SCAPER: variants seen among roughly 807,000 people sequenced by gnomAD.
The protein encoded by SCAPER is S-phase cyclin A associated protein in the ER.
Under a neutral mutation model 182.2 loss-of-function variants are expected in SCAPER, and 98 were observed. The observed-to-expected ratio is 0.54, with a 90% CI of 0.46 to 0.64. The LOEUF (loss-of-function observed/expected upper bound fraction) is 0.64. SCAPER is among the 30% of genes least tolerant of loss of function. The probability of loss-of-function intolerance (pLI) is 0.00; values close to 1 mark genes in which losing one functional copy is unlikely to be tolerated. For synonymous variants in SCAPER, 605 were observed against 564.6 expected, an observed-to-expected ratio of 1.07 and a Z score of -1.01; for missense variants, 1,432 against 1,690.0, an observed-to-expected ratio of 0.85 and a Z score of 2.68.
At chr15:76,526,647 T>C (rs2043218806) in intron 23 of SCAPER, among the ~76,000 whole-genome samples, 2 of 152,146 alleles carry the variant, frequency 1.3e-5, no homozygotes, top group Admixed American at 6.5e-5. Context: ...ATTAATACTA[T>C]GACCCAAGCT....
chr15:76,605,984 T>C (rs190902812), intron 22 of SCAPER, among the ~76,000 whole-genome samples: 87 of 152,336 alleles, frequency 5.7e-4, no homozygotes, highest in African/African-American at 2.0e-3. Context: ...CCTGGATTCA[T>C]TGATTTTTTG....
intron 17 of SCAPER, among the ~76,000 whole-genome samples, chr15:76,712,734 CTGTT>C (rs1422787182): frequency 3.7e-4 from 56 of 151,946 alleles, no homozygotes; most frequent in African/African-American, 1.3e-3. Context: ...ATTTTGCTCT[CTGTT>C]TGTCTGTTAT....
chr15:76,473,895 T>G (rs1382917821), intron 24 of SCAPER, among the ~76,000 whole-genome samples: 1 of 152,088 alleles, frequency 6.6e-6, no homozygotes, highest in African/African-American at 2.4e-5. Context: ...CTCTGACTCC[T>G]GGGTTCAAGC....
chr15:76,385,431 G>T (rs891701816), intron 27 of SCAPER, among the ~76,000 whole-genome samples: 5 of 152,150 alleles, frequency 3.3e-5, no homozygotes, highest in African/African-American at 1.2e-4. Flanking sequence ...GCTTCTTGGA[G>T]TTTGGCTTCA....
chr15:76,630,009 A>T (rs916697483), intron 21 of SCAPER, among the ~76,000 whole-genome samples: 4 of 152,108 alleles, frequency 2.6e-5, no homozygotes, highest in African/African-American at 9.7e-5. Flanking sequence ...TATGTCCAGG[A>T]ATTTATCCAT....
chr15:76,522,403 T>A (rs959314168), intron 23 of SCAPER, among the ~76,000 whole-genome samples: 6 of 152,136 alleles, frequency 3.9e-5, no homozygotes, highest in African/African-American at 1.4e-4. Context: ...AATAAAGCAA[T>A]GGTTCATCTT....
intron 14 of SCAPER, among the ~76,000 whole-genome samples, chr15:76,754,240 G>A (rs984316387): frequency 8.6e-5 from 13 of 151,892 alleles, no homozygotes; most frequent in Non-Finnish European, 1.8e-4. Flanking sequence ...TTATTTGAAG[G>A]TTCATAAAAC....
intron 15 of SCAPER, among the ~76,000 whole-genome samples, chr15:76,746,963 C>T (rs1262220879): frequency 1.3e-5 from 2 of 152,174 alleles, no homozygotes; most frequent in Admixed American, 1.3e-4. Context: ...TATGTAATCC[C>T]TAACAAAACG....
rs897981351 is a variant in SCAPER at position 76,348,391 on chromosome 15, A to C, written c.*242T>G. 1.4e-5 allele frequency: 4 copies of C among 295,770 alleles called. No individual in the cohort carries two copies. Among genetic ancestry groups the C allele is most frequent in the African/African-American group, 8.7e-5 (4 of 46,144 alleles). 18.3% of individuals were successfully genotyped at this position (295,770 alleles called of 1,614,324 possible). A position where few individuals can be genotyped will look rare whatever the true frequency, so the allele number is the denominator to read the frequency against. On this transcript the variant is annotated 3_prime_UTR_variant, in exon 32 of 32. Coordinates refer to ENST00000563290, the MANE Select transcript of SCAPER (RefSeq NM_020843.4). ...CAAATGCAAAGTATATATTATCATA[A>C]GATGGAAATTACCAAACTCCAAGAT...
intron 5 of SCAPER, among the ~76,000 whole-genome samples, chr15:76,819,264 A>G (rs1006819668): frequency 6.6e-6 from 1 of 152,180 alleles, no homozygotes; most frequent in African/African-American, 2.4e-5. Flanking sequence ...GCAGCTTGAG[A>G]TCTGAGAACA....
intron 22 of SCAPER, among the ~76,000 whole-genome samples, chr15:76,591,070 G>A (rs2049066992): frequency 6.6e-6 from 1 of 152,086 alleles, no homozygotes; most frequent in Non-Finnish European, 1.5e-5. Flanking sequence ...ATGACTTAAT[G>A]GGTATAATGT....
intron 24 of SCAPER, among the ~76,000 whole-genome samples, chr15:76,474,274 T>C (rs2050442649): frequency 6.6e-6 from 1 of 152,216 alleles, no homozygotes; most frequent in African/African-American, 2.4e-5. Context: ...TAACTTCCTA[T>C]GATGTTCCAG....
At chr15:76,847,590 T>C (rs992252812) in intron 4 of SCAPER, among the ~76,000 whole-genome samples, 2 of 152,276 alleles carry the variant, frequency 1.3e-5, no homozygotes, top group Non-Finnish European at 2.9e-5. Context: ...CCCATAAATA[T>C]ATACACCCAC....
intron 25 of SCAPER, among the ~76,000 whole-genome samples, chr15:76,460,703 A>G (rs1239529890): frequency 6.6e-6 from 1 of 152,044 alleles, no homozygotes; most frequent in Non-Finnish European, 1.5e-5. Context: ...TTCCCTTTTA[A>G]ATTCTCTTTC....
chr15:76,712,807 G>T (rs867969034), intron 17 of SCAPER, among the ~76,000 whole-genome samples: 1 of 151,800 alleles, frequency 6.6e-6, no homozygotes, highest in Non-Finnish European at 1.5e-5. Flanking sequence ...AGACTTTGCT[G>T]AAGTTGCTTA....
At chr15:76,899,281 C>T (rs757108851) in intron 1 of SCAPER, among the ~76,000 whole-genome samples, 2 of 152,202 alleles carry the variant, frequency 1.3e-5, no homozygotes, top group Non-Finnish European at 2.9e-5. Context: ...TCTCCTGCCT[C>T]GGCCTGCCGA....
At chr15:76,546,127 T>C (rs2045262228) in intron 23 of SCAPER, among the ~76,000 whole-genome samples, 1 of 151,992 alleles carries the variant, frequency 6.6e-6, no homozygotes. Context: ...AATGGTAGAG[T>C]ACTGCTTACC....
At chr15:76,786,067 G>A (rs896032336) in intron 8 of SCAPER, among the ~76,000 whole-genome samples, 1 of 152,034 alleles carries the variant, frequency 6.6e-6, no homozygotes. Context: ...GGTGGCTCAT[G>A]CCTGTAATCC....
Position 76,795,372 on chromosome 15 carries a change from T to C in SCAPER, c.680A>G (p.Lys227Arg). Reference sequence around the variant, plus strand: ...AGCAGTAGAGCCTGTATGATGAGCCTTTACCTTGTCAGCCCAACTGACACC... The same window carrying C: ...AGCAGTAGAGCCTGTATGATGAGCCCTTACCTTGTCAGCCCAACTGACACC... ...PTGVSWADKV[K>R]AHHTGSTASS... The change falls in exon 8 of 32, where the codon AAG (lysine) becomes AGG (arginine). Residue 227 changes from lysine (K) to arginine (R), a missense_variant. Lys to Arg is a conservative substitution (Grantham distance 26, BLOSUM62 2). Around this residue, in one of 5 missense-constraint regions of SCAPER, gnomAD observed 480 missense variants for 510.2 expected, o/e 0.94. Transcript: ENST00000563290. 1 of 1,612,046 alleles carries C rather than the reference T, an allele frequency of 6.2e-7. No homozygotes were observed.
Sources: gnomAD v4.1 joint callset for allele counts (sites outside exome capture counted in the v4.1 genomes callset) on GRCh38, gnomAD v4.1.1 for gene constraint, gnomAD v4.1.1 regional missense constraint, MANE v1.5 for transcripts, NCBI Gene and HGNC (gene_info 2026-07-23, HGNC 2026-07-21) for gene names.